Variants in SLC4A4 observed in about 807,000 individuals in gnomAD.
The protein encoded by SLC4A4 is electrogenic sodium bicarbonate cotransporter 1.
SLC4A4 carries 27 observed loss-of-function variants against 111.5 expected under a neutral mutation model. That is an observed-to-expected ratio of 0.24 (90% CI 0.18 to 0.33). SLC4A4 has a LOEUF of 0.33. SLC4A4 is among the 10% of genes least tolerant of loss of function. The pLI, the probability that SLC4A4 is intolerant of heterozygous loss-of-function variation, is 1.00. For synonymous variants in SLC4A4, 443 were observed against 463.4 expected (o/e 0.96, Z 0.57); for missense variants, 909 against 1,315.5 (o/e 0.69, Z 4.78).
At chr4:71,230,632 G>A (rs1321936377) in intron 1 of SLC4A4, among the ~76,000 whole-genome samples, 2 of 152,168 alleles carry the variant, frequency 1.3e-5, no homozygotes, top group African/African-American at 4.8e-5. Flanking sequence ...CTCTGGTATG[G>A]GCATGTTAAA....
At chr4:71,202,997 T>C (rs1746326332) in intron 1 of SLC4A4, among the ~76,000 whole-genome samples, 1 of 152,158 alleles carries the variant, frequency 6.6e-6, no homozygotes, top group Non-Finnish European at 1.5e-5. Flanking sequence ...ACGTTTTTTT[T>C]CCTATTGAGA....
chr4:71,225,608 G>A, intron 1 of SLC4A4, among the ~76,000 whole-genome samples: 1 of 152,306 alleles, frequency 6.6e-6, no homozygotes, highest in Non-Finnish European at 1.5e-5. Context: ...CACTGTGGTT[G>A]CCATGTTGGG....
intron 2 of SLC4A4, among the ~76,000 whole-genome samples, chr4:71,138,150 G>T (rs1175671584): frequency 2.6e-5 from 4 of 152,160 alleles, no homozygotes; most frequent in South Asian, 4.1e-4. Context: ...GTTGATTAAT[G>T]GAGGATATGT....
At chr4:71,451,711 G>A (rs1366210683) in intron 11 of SLC4A4, among the ~76,000 whole-genome samples, 1 of 152,050 alleles carries the variant, frequency 6.6e-6, no homozygotes, top group African/African-American at 2.4e-5. Flanking sequence ...GGTGTGTGGG[G>A]GTGGGCTGCA....
rs1277094212 is a variant in SLC4A4, at chr4:71,571,985, G to A, written c.*4234G>A. 6.6e-6 allele frequency: 1 copy of A among 152,118 alleles called. No homozygotes were observed. The highest frequency in any genetic ancestry group is 1.5e-5 in the Non-Finnish European group (1 of 67,848). The allele number at this position is 152,118 out of a possible 1,614,324, so 9.4% of individuals were successfully genotyped here. ...TTACAGTTTTATGAAGCTTTCTATT[G>A]TGACTTTTATGGAATTAAGAGATGA... On this transcript the variant is annotated 3_prime_UTR_variant, in exon 26 of 26. Transcript: ENST00000264485.
chr4:71,498,712 A>C (rs1730631577), intron 16 of SLC4A4, among the ~76,000 whole-genome samples: 1 of 152,148 alleles, frequency 6.6e-6, no homozygotes, highest in Non-Finnish European at 1.5e-5. Flanking sequence ...AGGAATGAAA[A>C]ATTTCCACAA....
chr4:71,108,900 A>G (rs543456814), intron 2 of SLC4A4, among the ~76,000 whole-genome samples: 27 of 151,744 alleles, frequency 1.8e-4, no homozygotes, highest in African/African-American at 6.0e-4. Context: ...GAATTTCTCC[A>G]TGTCTTCCTT....
intron 7 of SLC4A4, among the ~76,000 whole-genome samples, chr4:71,417,490 A>G (rs1005460477): frequency 7.9e-5 from 12 of 152,210 alleles, no homozygotes; most frequent in African/African-American, 2.9e-4. Flanking sequence ...ATTTATATAC[A>G]GTGGAGTTCA....
chr4:71,175,390 C>T (rs1159788070), intron 2 of SLC4A4, among the ~76,000 whole-genome samples: 1 of 152,200 alleles, frequency 6.6e-6, no homozygotes, highest in African/African-American at 2.4e-5. Flanking sequence ...CATCGCCTCA[C>T]CCAGGAAGCG....
rs543892202 is a variant in SLC4A4 at position 71,151,203 on chromosome 4, G to A, written c.-2+58411G>A. Among the ~76,000 whole-genome samples the A allele has an allele frequency of 1.2e-4, 19 of 152,316 alleles. No individual in the cohort carries two copies. In the East Asian group the frequency reaches 1.7e-3, roughly 14 times the overall value. ...CTGTGCCACAGCACTGGTAGACTGC[G>A]TCTACTGGTTTGCTGCCAACCTCTT... is the stretch of plus-strand genomic sequence containing the variant. On this transcript the variant is annotated intron_variant, in intron 2 of 26. Transcript: ENST00000649996.
At chr4:71,536,215 T>A (rs538218618) in intron 18 of SLC4A4, among the ~76,000 whole-genome samples, 103 of 151,426 alleles carry the variant, frequency 6.8e-4, no homozygotes, top group African/African-American at 2.4e-3. Context: ...TTCTTTACTT[T>A]GCTGTAGTCA....
intron 7 of SLC4A4, among the ~76,000 whole-genome samples, chr4:71,426,949 A>G (rs895488490): frequency 1.3e-5 from 2 of 152,098 alleles, no homozygotes; most frequent in African/African-American, 4.8e-5. Context: ...AGGGAGTGCT[A>G]CATATATGCC....
intron 2 of SLC4A4, among the ~76,000 whole-genome samples, chr4:71,237,761 T>C (rs1323593836): frequency 1.3e-5 from 2 of 152,184 alleles, no homozygotes; most frequent in Admixed American, 6.5e-5. Context: ...CTTCATCCCA[T>C]GTGGTGTTAG....
At chr4:71,539,030 A>T (rs1364177686) in intron 18 of SLC4A4, among the ~76,000 whole-genome samples, 2 of 152,070 alleles carry the variant, frequency 1.3e-5, no homozygotes, top group Non-Finnish European at 2.9e-5. Context: ...ATAATTTAGG[A>T]TAGATATCTA....
intron 1 of SLC4A4, among the ~76,000 whole-genome samples, chr4:71,083,256 A>C (rs1442950066): frequency 6.6e-6 from 1 of 151,588 alleles, no homozygotes; most frequent in African/African-American, 2.4e-5. Context: ...CATTCAGTGC[A>C]TCACATTTTC....
chr4:71,435,996 G>C (rs7672401), intron 7 of SLC4A4, among the ~76,000 whole-genome samples: 1 of 152,192 alleles, frequency 6.6e-6, no homozygotes, highest in Non-Finnish European at 1.5e-5. Flanking sequence ...GGAAGATAGT[G>C]TGGTGATCCC....
chr4:71,536,465 C>CATATAT lies in SLC4A4; in HGVS notation c.2442+2094_2442+2099dup, dbSNP rs869091643. Among the ~76,000 whole-genome samples, 30 of 40,698 alleles carry CATATAT rather than the reference C, an allele frequency of 7.4e-4. 1 individual carries two copies. The highest frequency in any genetic ancestry group is 2.4e-3 in the African/African-American group (30 of 12,472). 26.7% of individuals were successfully genotyped at this position (40,698 alleles called of 152,430 possible). A position where few individuals can be genotyped will look rare whatever the true frequency, so the allele number is the denominator to read the frequency against. Reference sequence around the variant, plus strand: ...GCATATATACATATATACATATATACATATATATATATATATATATATGTA... The same window carrying CATATAT: ...GCATATATACATATATACATATATACATATATATATATATATATATATATATATGTA... On this transcript the variant is annotated intron_variant, in intron 18 of 25. Coordinates refer to ENST00000264485, the MANE Select transcript of SLC4A4 (RefSeq NM_001098484.3).
intron 2 of SLC4A4, among the ~76,000 whole-genome samples, chr4:71,128,515 G>T (rs1186634776): frequency 6.6e-6 from 1 of 152,114 alleles, no homozygotes; most frequent in Non-Finnish European, 1.5e-5. Context: ...CCTAAGATGG[G>T]TCTCACTCTG....
At chr4:71,503,364 T>A (rs142267411) in intron 16 of SLC4A4, among the ~76,000 whole-genome samples, 17 of 152,138 alleles carry the variant, frequency 1.1e-4, no homozygotes. Context: ...AATTGTACTT[T>A]AATTATTTTA....
Sources: allele counts gnomAD v4.1 joint callset (sites outside exome capture counted in the v4.1 genomes callset), GRCh38; gene constraint gnomAD v4.1.1; transcripts MANE v1.5; gene names NCBI Gene and HGNC (gene_info 2026-07-23, HGNC 2026-07-21).